The following CDV3 variants were observed in gnomAD, a reference collection of about 807,000 sequenced individuals.
CDV3 encodes the protein protein CDV3 homolog.
A neutral mutation model predicts 24.5 loss-of-function variants in CDV3; 14 were observed. The ratio of observed to expected loss-of-function variants is 0.57; its 90% CI spans 0.38 to 0.89. The LOEUF is 0.89. Ranked by LOEUF, CDV3 falls within the 40% of genes least tolerant of loss-of-function variation. CDV3 has a pLI of 0.00. For missense variants in CDV3, 304 were observed against 310.2 expected, an observed-to-expected ratio of 0.98 and a Z score of 0.15; for synonymous variants, 114 against 114.1, an observed-to-expected ratio of 1.00 and a Z score of 0.00.
intron 3 of CDV3, 102 bp downstream of exon 3, chr3:133,584,252 A>T (rs1443677153): frequency 9.8e-6 from 8 of 814,236 alleles, no homozygotes; most frequent in Non-Finnish European, 1.2e-5. Flanking sequence ...GGTGAGGAGG[A>T]GAGGCTCCTT....
rs901780386 is a variant in CDV3, at chr3:133,588,494, T to C, written c.*448T>C. ...TGCAACCAGCTCTACTGGATTCTTA[T>C]CAGAAATCCTGCATAAAAAGTCAGC... On this transcript the variant is annotated 3_prime_UTR_variant, in exon 5 of 5. Coordinates refer to ENST00000264993, the MANE Select transcript of CDV3 (RefSeq NM_017548.5). The C allele has an allele frequency of 2.9e-5, 27 of 933,118 alleles. No individual in the cohort carries two copies. The highest frequency in any genetic ancestry group is 1.2e-4 in the African/African-American group (7 of 59,996). 57.8% of individuals were successfully genotyped at this position (933,118 alleles called of 1,614,324 possible). A position where few individuals can be genotyped will look rare whatever the true frequency, so the allele number is the denominator to read the frequency against.
rs2074701864 is a variant in CDV3 at position 133,573,967 on chromosome 3, G to A, written c.-78G>A. 5 of 999,328 alleles carry A rather than the reference G, an allele frequency of 5.0e-6. No individual in the cohort carries two copies. The highest frequency in any genetic ancestry group is 6.0e-6 in the Non-Finnish European group (5 of 839,648). The allele number at this position is 999,328 out of a possible 1,614,324, so 61.9% of individuals were successfully genotyped here. On this transcript the variant is annotated 5_prime_UTR_variant, in exon 1 of 5. Transcript: ENST00000264993. ...GCCCGGCAGCGTGAGCGCAGAGCCG[G>A]CCTCGACCCCGAGCTCGGAGCCCCG...
At position 133,574,080 on chromosome 3, in the gene CDV3, C is replaced by A. The variant is rs866240834; in HGVS notation, c.36C>A (p.Phe12Leu). Reference sequence around the variant, plus strand: ...CGGAGGAGCGGAGCCTGGACAACTTCTTTGCCAAGAGGGACAAGAAGAAGA... The same window carrying A: ...CGGAGGAGCGGAGCCTGGACAACTTATTTGCCAAGAGGGACAAGAAGAAGA... ...AETEERSLDN[F>L]FAKRDKKKKK... Residue 12 changes from phenylalanine to leucine, a missense_variant, in exon 1 of 5, where the codon TTC becomes TTA. Physicochemically the swap from Phe to Leu is conservative, Grantham distance 22. Transcript: ENST00000264993. 2 of 1,239,360 alleles carry A rather than the reference C, an allele frequency of 1.6e-6. No individual in the cohort carries two copies. Among genetic ancestry groups the A allele is most frequent in the South Asian group, 1.5e-5 (1 of 65,154 alleles). The allele number at this position is 1,239,360 out of a possible 1,614,324, so 76.8% of individuals were successfully genotyped here.
chr3:133,577,579 C>G (rs2074863746), intron 2 of CDV3, among the ~76,000 whole-genome samples: 1 of 152,052 alleles, frequency 6.6e-6, no homozygotes, highest in South Asian at 2.1e-4. Context: ...AGGCTGGTCT[C>G]AAACTCCCGA....
At position 133,576,841 on chromosome 3, in the gene CDV3, C is replaced by CTTTTTTTTTTTTTTTTTTTTTTTTTT. The variant is rs370619351; in HGVS notation, c.317+1749_317+1750insTTTTTTTTTTTTTTTTTTTTTTTTTT. 1.3e-4 allele frequency among the ~76,000 whole-genome samples: 8 copies of CTTTTTTTTTTTTTTTTTTTTTTTTTT among 62,392 alleles called. 3 individuals are homozygous for CTTTTTTTTTTTTTTTTTTTTTTTTTT. Among genetic ancestry groups the CTTTTTTTTTTTTTTTTTTTTTTTTTT allele is most frequent in the Non-Finnish European group, 1.7e-4 (6 of 35,714 alleles). 40.9% of individuals were successfully genotyped at this position (62,392 alleles called of 152,430 possible). A position where few individuals can be genotyped will look rare whatever the true frequency, so the allele number is the denominator to read the frequency against. ...TCTGTTCAACCTGAAGGTAGACTAG[C>CTTTTTTTTTTTTTTTTTTTTTTTTTT]TTTTTTTTTTTTTTTTTTTTTTTGA... On this transcript the variant is annotated intron_variant, in intron 2 of 4. Coordinates refer to ENST00000264993, the MANE Select transcript of CDV3 (RefSeq NM_017548.5).
chr3:133,575,692 A>G (rs1402779089), intron 2 of CDV3, among the ~76,000 whole-genome samples: 1 of 152,246 alleles, frequency 6.6e-6, no homozygotes, highest in Non-Finnish European at 1.5e-5. Flanking sequence ...AATTTTTTCT[A>G]AAACTTCATA....
At chr3:133,575,539 G>A (rs540646147) in intron 2 of CDV3, among the ~76,000 whole-genome samples, 6 of 152,278 alleles carry the variant, frequency 3.9e-5, no homozygotes, top group African/African-American at 1.4e-4. Context: ...AGAGATAGAG[G>A]TTTTATGTGT....
intron 2 of CDV3, among the ~76,000 whole-genome samples, chr3:133,576,480 C>G (rs1248557585): frequency 6.6e-6 from 1 of 152,190 alleles, no homozygotes; most frequent in Non-Finnish European, 1.5e-5. Flanking sequence ...TAAGTCTTTT[C>G]TTTCCTAAGT....
chr3:133,582,123 G>A (rs1933094918), intron 2 of CDV3, among the ~76,000 whole-genome samples: 1 of 151,954 alleles, frequency 6.6e-6, no homozygotes, highest in African/African-American at 2.4e-5. Flanking sequence ...AGTCACTTCT[G>A]GTTGGTAGGT....
chr3:133,579,828 A>G (rs1445774758), intron 2 of CDV3, among the ~76,000 whole-genome samples: 7 of 152,104 alleles, frequency 4.6e-5, no homozygotes. Context: ...CCTGACCTCC[A>G]GTGATCTGCC....
Position 133,574,303 on chromosome 3 carries a change from G to T in CDV3, c.240+19G>T. On this transcript the variant is annotated intron_variant, in intron 1 of 4. Coordinates refer to ENST00000264993, the MANE Select transcript of CDV3 (RefSeq NM_017548.5). ...GACGAAGGTGAGGGGCCGGGAGGCC[G>T]GCACTCGGGGCCCGGGCCGCGCGCC... The T allele has an allele frequency of 2.1e-6, 2 of 961,468 alleles. No homozygotes were observed. The highest frequency in any genetic ancestry group is 9.3e-5 in the South Asian group (2 of 21,554). The allele number at this position is 961,468 out of a possible 1,614,324, so 59.6% of individuals were successfully genotyped here.
In CDV3 at chr3:133,588,690, T is replaced by C. The variant is rs1376563907; in HGVS notation, c.*644T>C. ...TGTTCAGATCATCTGTGTAGGGCTG[T>C]GATTTGTAATTTAAACTAATTGTAT... On this transcript the variant is annotated 3_prime_UTR_variant, in exon 5 of 5. Coordinates refer to ENST00000264993, the MANE Select transcript of CDV3 (RefSeq NM_017548.5). 1 of 298,270 alleles carries C rather than the reference T, an allele frequency of 3.4e-6. No individual in the cohort carries two copies. The highest frequency in any genetic ancestry group is 6.1e-6 in the Non-Finnish European group (1 of 162,996). The allele number at this position is 298,270 out of a possible 1,614,324, so 18.5% of individuals were successfully genotyped here.
At chr3:133,587,856 G>A (rs1456881884) in intron 4 of CDV3, 40 bp from the exon 5 acceptor site, 4 of 1,553,750 alleles carry the variant, frequency 2.6e-6, no homozygotes, top group Non-Finnish European at 3.5e-6. Flanking sequence ...AAACCCTAGT[G>A]AAGAAGAAAT....
At chr3:133,583,899 T>C in intron 2 of CDV3, 103 bp from the exon 3 acceptor site, 3 of 774,886 alleles carry the variant, frequency 3.9e-6, no homozygotes, top group Non-Finnish European at 6.2e-6. Context: ...CGAAAGAGAT[T>C]GACTTCTTCA....
At chr3:133,587,706 T>C in intron 4 of CDV3, 190 bp from the exon 5 acceptor site, 4 of 1,378,690 alleles carry the variant, frequency 2.9e-6, no homozygotes, top group Non-Finnish European at 3.8e-6. Context: ...AGAGCTTCAA[T>C]ACAGCGTTCT....
intron 2 of CDV3, among the ~76,000 whole-genome samples, chr3:133,575,522 C>G (rs577842037): frequency 2.0e-5 from 3 of 152,304 alleles, no homozygotes; most frequent in African/African-American, 7.2e-5. Flanking sequence ...GTATATCATA[C>G]TTACAGAGAG....
At chr3:133,575,216 T>G in intron 2 of CDV3, 101 bp downstream of exon 2, 1 of 685,766 alleles carries the variant, frequency 1.5e-6, no homozygotes, top group Non-Finnish European at 2.6e-6. Flanking sequence ...AGTAGCCTTG[T>G]GCTCTAGATA....
intron 2 of CDV3, among the ~76,000 whole-genome samples, chr3:133,580,763 ACTC>A (rs912120143): frequency 3.3e-5 from 5 of 151,766 alleles, no homozygotes; most frequent in Non-Finnish European, 7.4e-5. Context: ...CTGGTTTTGA[ACTC>A]CTGGCCTCAA....
chr3:133,575,550 TCA>T (rs1272705932), intron 2 of CDV3, among the ~76,000 whole-genome samples: 1 of 152,220 alleles, frequency 6.6e-6, no homozygotes, highest in Non-Finnish European at 1.5e-5. Flanking sequence ...TTTTATGTGT[TCA>T]CACAGTGCAA....
Sources: gnomAD v4.1 joint callset for allele counts (sites outside exome capture counted in the v4.1 genomes callset) on GRCh38, gnomAD v4.1.1 for gene constraint, MANE v1.5 for transcripts, NCBI Gene and HGNC (gene_info 2026-07-23, HGNC 2026-07-21) for gene names.